The following CHLSN variants were observed in gnomAD, a reference collection of about 807,000 sequenced individuals.
CHLSN encodes the protein protein cholesin.
the CHLSN span, among the ~76,000 whole-genome samples, chr7:1,136,344 A>G: frequency 1.2e-5 from 1 of 86,622 alleles, no homozygotes; most frequent in Non-Finnish European, 2.0e-5. Flanking sequence ...ATATAAACAT[A>G]TAAATATATA....
chr7:1,078,984 CG>C, the CHLSN span, among the ~76,000 whole-genome samples: 316 of 149,240 alleles, frequency 2.1e-3, 5 homozygotes, highest in African/African-American at 7.3e-3. Context: ...AGCGAGGCAG[CG>C]GGTCAGGGCT....
the CHLSN span, chr7:986,705 A>G: frequency 1.5e-5 from 24 of 1,612,310 alleles, no homozygotes; most frequent in Non-Finnish European, 1.9e-5. Context: ...GGTCCGTGCC[A>G]TTCTGAGGAC....
chr7:1,039,109 G>A, the CHLSN span, among the ~76,000 whole-genome samples: 21 of 60,168 alleles, frequency 3.5e-4, no homozygotes, highest in Non-Finnish European at 5.3e-4. Context: ...GGAGGTGAGG[G>A]GCGCCTCTGC....
chr7:1,016,802 GCAGCACACAC>G, the CHLSN span, among the ~76,000 whole-genome samples: 1,989 of 64,024 alleles, frequency 0.031, 272 homozygotes, highest in African/African-American at 0.16. Flanking sequence ...GCAGCACACA[GCAGCACACAC>G]CAGCGCACAG....
chr7:1,109,410 G>A, the CHLSN span: 2 of 152,170 alleles, frequency 1.3e-5, no homozygotes, highest in Admixed American at 1.3e-4. Flanking sequence ...GATCACCTTG[G>A]GAATCCAGCC....
At chr7:996,260 C>T in the CHLSN span, among the ~76,000 whole-genome samples, 1 of 152,196 alleles carries the variant, frequency 6.6e-6, no homozygotes, top group Non-Finnish European at 1.5e-5. Flanking sequence ...AGGGTGAGGC[C>T]GGCCGTGCTC....
chr7:981,567 A>C, the CHLSN span, among the ~76,000 whole-genome samples: 1 of 151,914 alleles, frequency 6.6e-6, no homozygotes, highest in African/African-American at 2.4e-5. Context: ...TACAAAAAGT[A>C]GCCAGGTGTG....
chr7:992,100 C>A, the CHLSN span, among the ~76,000 whole-genome samples: 1 of 152,200 alleles, frequency 6.6e-6, no homozygotes, highest in Non-Finnish European at 1.5e-5. Context: ...GAGGCAGACA[C>A]CCCGAACCCC....
the CHLSN span, chr7:988,177 G>A: frequency 2.5e-4 from 340 of 1,348,072 alleles, 1 homozygote; most frequent in Non-Finnish European, 3.3e-4. Flanking sequence ...CAGGTGTGGT[G>A]GGTGTGGCAG....
chr7:1,073,180 C>T, the CHLSN span, among the ~76,000 whole-genome samples: 34 of 152,238 alleles, frequency 2.2e-4, no homozygotes, highest in Non-Finnish European at 4.4e-4. Context: ...CCTCTGGCCT[C>T]TTTCTCACCC....
the CHLSN span, among the ~76,000 whole-genome samples, chr7:1,001,074 T>C: frequency 4.6e-5 from 7 of 152,126 alleles, no homozygotes; most frequent in Non-Finnish European, 1.0e-4. Flanking sequence ...GTCCCGCTCC[T>C]GCACTAGGGC....
chr7:1,096,151 C>T, the CHLSN span, among the ~76,000 whole-genome samples: 3 of 152,264 alleles, frequency 2.0e-5, no homozygotes, highest in African/African-American at 7.2e-5. This position sits in a 1 kb window ranked among gnomAD's most constrained non-coding sequence, Gnocchi z 4.6. Flanking sequence ...CTGTTGAGTG[C>T]GTGGAAGCGT....
chr7:987,266 G>C, the CHLSN span: 1 of 1,505,542 alleles, frequency 6.6e-7, no homozygotes. Context: ...GGCGCCTGGC[G>C]AGACGGCTCC....
At chr7:1,001,371 C>G in the CHLSN span, among the ~76,000 whole-genome samples, 1 of 147,128 alleles carries the variant, frequency 6.8e-6, no homozygotes, top group Non-Finnish European at 1.5e-5. Flanking sequence ...GTGGGGAGTC[C>G]TGTGGGTGAG....
chr7:1,131,639 C>T, the CHLSN span, among the ~76,000 whole-genome samples: 1 of 152,218 alleles, frequency 6.6e-6, no homozygotes, highest in Non-Finnish European at 1.5e-5. Flanking sequence ...ACTGTTGACA[C>T]AGGGGCTCTG....
At chr7:1,132,233 G>T in the CHLSN span, among the ~76,000 whole-genome samples, 1 of 152,196 alleles carries the variant, frequency 6.6e-6, no homozygotes, top group African/African-American at 2.4e-5. Flanking sequence ...TAAAATTTTT[G>T]TGCTGCAAAG....
At chr7:1,138,247 C>G in the CHLSN span, 3 of 152,362 alleles carry the variant, frequency 2.0e-5, no homozygotes, top group Admixed American at 2.0e-4. Flanking sequence ...TCGCGGACGC[C>G]GCCTTCCGGC....
chr7:1,092,515 G>T, the CHLSN span: 1 of 1,608,046 alleles, frequency 6.2e-7, no homozygotes. Flanking sequence ...CATGATCCTC[G>T]CGGTGGTGCT....
the CHLSN span, among the ~76,000 whole-genome samples, chr7:987,933 T>TGGGGGGGGTCCCCTGTGTGTCCTG: frequency 0.02 from 2,698 of 135,334 alleles, 147 homozygotes; most frequent in African/African-American, 0.076. Flanking sequence ...CTGTGTGTCC[T>TGGGGGGGGTCCCCTGTGTGTCCTG]GGGGGGGTCC....
Sources: allele counts gnomAD v4.1 joint callset (sites outside exome capture counted in the v4.1 genomes callset), GRCh38; gene constraint gnomAD v4.1.1; non-coding constraint Gnocchi (gnomAD v3.1); transcripts MANE v1.5; gene names NCBI Gene and HGNC (gene_info 2026-07-23, HGNC 2026-07-21).